ANO3: variants seen among roughly 807,000 people sequenced by gnomAD.
ANO3 encodes anoctamin 3.
In ANO3, 99 loss-of-function variants were observed where a neutral mutation model predicts 144.8. The ratio of observed to expected loss-of-function variants is 0.68; its 90% confidence interval spans 0.58 to 0.81. The LOEUF (loss-of-function observed/expected upper bound fraction) is 0.81, where lower values mean the gene tolerates loss of function less well. ANO3 is among the 30% of genes least tolerant of loss of function. ANO3 has a pLI of 0.00. For missense variants in ANO3, 905 were observed against 1,202.2 expected (o/e 0.75, Z 3.66); for synonymous variants, 414 against 392.6 (o/e 1.05, Z -0.64).
chr11:26,638,956 G>A (rs185079145), intron 20 of ANO3, among the ~76,000 whole-genome samples, 188 bp from the exon 21 acceptor site: 40 of 152,090 alleles, frequency 2.6e-4, no homozygotes, highest in East Asian at 1.5e-3. Context: ...TTGATATTTC[G>A]TTATAATTAC....
intron 14 of ANO3, among the ~76,000 whole-genome samples, chr11:26,581,150 G>A (rs1272751950): frequency 1.3e-5 from 2 of 152,120 alleles, no homozygotes; most frequent in African/African-American, 4.8e-5. Flanking sequence ...AAGAGTCTCG[G>A]TTTGTTTATA....
At chr11:26,348,256 C>T (rs1855545772) in intron 1 of ANO3, among the ~76,000 whole-genome samples, 1 of 152,136 alleles carries the variant, frequency 6.6e-6, no homozygotes, top group African/African-American at 2.4e-5. Flanking sequence ...TTAAGCATAA[C>T]TTATAACCAC....
intron 1 of ANO3, among the ~76,000 whole-genome samples, chr11:26,425,128 C>T (rs1261498960): frequency 6.6e-6 from 1 of 150,906 alleles, no homozygotes; most frequent in Non-Finnish European, 1.5e-5. Context: ...AGCTAAGAGA[C>T]TGAGTACTTT....
At chr11:26,342,852 TATTGAGGTATA>T (rs1435638170) in intron 1 of ANO3, among the ~76,000 whole-genome samples, 3 of 152,208 alleles carry the variant, frequency 2.0e-5, no homozygotes, top group African/African-American at 7.2e-5. Flanking sequence ...TTTCTAGTTT[TATTGAGGTATA>T]ATTGGCAAAT....
At chr11:26,251,854 A>G (rs1050669078) in intron 1 of ANO3, among the ~76,000 whole-genome samples, 10 of 152,200 alleles carry the variant, frequency 6.6e-5, no homozygotes, top group African/African-American at 2.4e-4. Context: ...CGCAGACAGC[A>G]TGGGGGAAAC....
intron 26 of ANO3, among the ~76,000 whole-genome samples, chr11:26,657,687 T>A (rs7933269): frequency 1.3e-5 from 2 of 149,798 alleles, no homozygotes; most frequent in Non-Finnish European, 3.0e-5. Flanking sequence ...ACAAAAAAAA[T>A]ACATAGTATT....
chr11:26,481,457 G>A (rs971725350), intron 4 of ANO3, among the ~76,000 whole-genome samples: 1 of 152,048 alleles, frequency 6.6e-6, no homozygotes, highest in African/African-American at 2.4e-5. Flanking sequence ...TCCACAGGTG[G>A]GATTTTTGGG....
At chr11:26,289,023 A>G (rs1467203181) in intron 1 of ANO3, among the ~76,000 whole-genome samples, 1 of 152,196 alleles carries the variant, frequency 6.6e-6, no homozygotes, top group Non-Finnish European at 1.5e-5. Context: ...CATTCATTCA[A>G]CAACTATGGA....
chr11:26,189,468 G>GT (rs1851434761), intron 1 of ANO3: 1 of 360,782 alleles, frequency 2.8e-6, no homozygotes, highest in Non-Finnish European at 3.9e-6. Context: ...AGTTTCTTTA[G>GT]TTTTTTCCCA....
chr11:26,387,963 C>T (rs1328075094), intron 1 of ANO3, among the ~76,000 whole-genome samples: 1 of 152,010 alleles, frequency 6.6e-6, no homozygotes, highest in Non-Finnish European at 1.5e-5. Flanking sequence ...CATTTGCTTA[C>T]CACTCACTAT....
At chr11:26,578,652 G>C (rs1189680192) in intron 14 of ANO3, among the ~76,000 whole-genome samples, 1 of 152,156 alleles carries the variant, frequency 6.6e-6, no homozygotes, top group Non-Finnish European at 1.5e-5. Flanking sequence ...GATAGGAACA[G>C]GGTTAAAAAG....
intron 1 of ANO3, among the ~76,000 whole-genome samples, chr11:26,260,185 A>C (rs1018096003): frequency 1.3e-5 from 2 of 152,058 alleles, no homozygotes; most frequent in Non-Finnish European, 2.9e-5. Context: ...TTGATAAGGA[A>C]GTGTTCCAGG....
At chr11:26,328,246 G>A (rs908197530), upstream of ANO3, among the ~76,000 whole-genome samples, 1 of 151,958 alleles carries the variant, frequency 6.6e-6, no homozygotes, top group African/African-American at 2.4e-5. Flanking sequence ...TGTCACATGT[G>A]GCCAGAAACC....
chr11:26,331,999 G>C, upstream of ANO3: 1 of 839,074 alleles, frequency 1.2e-6, no homozygotes, highest in Non-Finnish European at 1.8e-6. Flanking sequence ...CCCGCTCAAC[G>C]CCCACCCCTC....
chr11:26,284,675 G>A (rs1277383152), intron 1 of ANO3, among the ~76,000 whole-genome samples: 1 of 152,024 alleles, frequency 6.6e-6, no homozygotes, highest in East Asian at 1.9e-4. Flanking sequence ...CGAGGCTGGC[G>A]GATCAAGAGG....
At chr11:26,303,918 C>T (rs1023003484) in intron 1 of ANO3, among the ~76,000 whole-genome samples, 3 of 151,964 alleles carry the variant, frequency 2.0e-5, no homozygotes, top group Non-Finnish European at 4.4e-5. Flanking sequence ...AGGGGTTTCA[C>T]CACTTTGGCG....
chr11:26,659,728 T>G (rs1853818948), intron 26 of ANO3, among the ~76,000 whole-genome samples: 1 of 152,120 alleles, frequency 6.6e-6, no homozygotes, highest in Non-Finnish European at 1.5e-5. Flanking sequence ...AAGTAATATG[T>G]TTTTTATCAT....
intron 21 of ANO3, among the ~76,000 whole-genome samples, 163 bp from the exon 22 acceptor site, chr11:26,641,733 A>G (rs1326211238): frequency 6.6e-6 from 1 of 152,158 alleles, no homozygotes; most frequent in Non-Finnish European, 1.5e-5. Context: ...AGCTTTCAAA[A>G]TGTTTTTTTA....
At chr11:26,453,401 G>A (rs1226791525) in intron 3 of ANO3, among the ~76,000 whole-genome samples, 9 of 151,954 alleles carry the variant, frequency 5.9e-5, no homozygotes, top group African/African-American at 1.7e-4. Flanking sequence ...CAAGCCAATG[G>A]AAAACGAAAA....
Sources: gnomAD v4.1 joint callset for allele counts (sites outside exome capture counted in the v4.1 genomes callset) on GRCh38, gnomAD v4.1.1 for gene constraint, MANE v1.5 for transcripts, NCBI Gene and HGNC (gene_info 2026-07-23, HGNC 2026-07-21) for gene names.